Variants in SEMA6D observed in about 807,000 individuals in gnomAD.
The protein encoded by SEMA6D is semaphorin-6D.
Under a neutral mutation model 106.6 loss-of-function variants are expected in SEMA6D, and 35 were observed. That is an observed-to-expected ratio of 0.33 (90% CI 0.25 to 0.44). The LOEUF (loss-of-function observed/expected upper bound fraction) is 0.44, where lower values mean the gene tolerates loss of function less well. Among genes scored for constraint, SEMA6D ranks in the 20% least tolerant of loss-of-function variants. The pLI is 1.00. For synonymous variants in SEMA6D, 499 were observed against 487.7 expected, an observed-to-expected ratio of 1.02 and a Z score of -0.31; for missense variants, 1,185 against 1,345.9, an observed-to-expected ratio of 0.88 and a Z score of 1.87.
rs562979514 is a variant in SEMA6D, at chr15:47,765,933, G to A, written c.1492G>A (p.Ala498Thr). 2.5e-5 allele frequency: 39 copies of A among 1,578,306 alleles called. 1 individual carries two copies. The South Asian group carries it at 3.1e-4, about 13-fold the overall frequency. ...ISLQLDKDHHALYVAFSSCII... is the reference protein window; with the variant it reads ...ISLQLDKDHHTLYVAFSSCII... ...ATTACAGTTGGATAAAGATCACCAC[G>A]CTTTATATGTGGCGTTCTCTAGCTG... The change falls in exon 14 of 19, where the codon GCT becomes ACT. Residue 498 changes from alanine (A) to threonine (T), a missense_variant. By Grantham distance (58) the Ala-to-Thr change is moderately conservative (BLOSUM62 0). Around this residue, in one of 3 missense-constraint regions of SEMA6D, gnomAD observed 750 missense variants for 783.5 expected, o/e 0.96. Transcript: ENST00000536845.
chr15:47,380,428 T>C (rs2039597473), intron 1 of SEMA6D: 1 of 152,248 alleles, frequency 6.6e-6, no homozygotes, highest in Non-Finnish European at 1.5e-5. Flanking sequence ...GCTTTTATTT[T>C]TCCCCCAAAA....
intron 1 of SEMA6D, among the ~76,000 whole-genome samples, chr15:47,738,477 G>A (rs1178828778): frequency 2.6e-5 from 4 of 152,128 alleles, no homozygotes; most frequent in African/African-American, 9.7e-5. Context: ...AAAAAGACTG[G>A]GACAAGACAT....
intron 2 of SEMA6D, among the ~76,000 whole-genome samples, chr15:47,447,620 A>C (rs533961078): frequency 6.6e-6 from 1 of 152,226 alleles, no homozygotes; most frequent in South Asian, 2.1e-4. Context: ...CTGGCTGTTT[A>C]TTTGTATCCT....
At chr15:47,418,359 C>G (rs116591771) in intron 2 of SEMA6D, among the ~76,000 whole-genome samples, 2,407 of 152,222 alleles carry the variant, frequency 0.016, 39 homozygotes, top group South Asian at 0.054. Flanking sequence ...TGCTGCTATA[C>G]TGGGTGGCTT....
intron 1 of SEMA6D, among the ~76,000 whole-genome samples, chr15:47,251,343 T>A (rs1251613773): frequency 6.6e-6 from 1 of 152,192 alleles, no homozygotes; most frequent in Non-Finnish European, 1.5e-5. Flanking sequence ...GTTCTACTCA[T>A]GAATCTTGTT....
intron 3 of SEMA6D, among the ~76,000 whole-genome samples, chr15:47,517,912 A>G (rs999301200): frequency 1.3e-5 from 2 of 152,046 alleles, no homozygotes; most frequent in African/African-American, 4.8e-5. Context: ...TCTCCCCACA[A>G]TGAGTCATTT....
chr15:47,595,344 G>A (rs981536816), intron 3 of SEMA6D, among the ~76,000 whole-genome samples: 1 of 152,020 alleles, frequency 6.6e-6, no homozygotes, highest in African/African-American at 2.4e-5. Context: ...TATGGTTTTT[G>A]TCCTTCATTT....
At chr15:47,219,344 T>C (rs1427612253) in intron 1 of SEMA6D, among the ~76,000 whole-genome samples, 1 of 152,198 alleles carries the variant, frequency 6.6e-6, no homozygotes, top group Non-Finnish European at 1.5e-5. Context: ...AAAATTCTTT[T>C]AGGCGGTTAC....
chr15:47,276,454 T>C (rs907063326), intron 1 of SEMA6D, among the ~76,000 whole-genome samples: 2 of 152,286 alleles, frequency 1.3e-5, no homozygotes, highest in Admixed American at 1.3e-4. Flanking sequence ...TTGAAGCCAA[T>C]GCTCATTTGC....
rs941286224 is a variant in SEMA6D, at chr15:47,262,826, C to T, written c.-239+78408C>T. Reference sequence around the variant, plus strand: ...TACAGAGCTACAGTAATCAAAACAGCATGGTATGGGTACAAAAACAGACAC... The same window carrying T: ...TACAGAGCTACAGTAATCAAAACAGTATGGTATGGGTACAAAAACAGACAC... On this transcript the variant is annotated intron_variant, in intron 1 of 19. Transcript: ENST00000558014. 2.0e-5 allele frequency among the ~76,000 whole-genome samples: 3 copies of T among 152,178 alleles called. No individual in the cohort carries two copies. The South Asian group carries it at 6.2e-4, about 32-fold the overall frequency.
chr15:47,301,690 T>C (rs578206026), intron 1 of SEMA6D, among the ~76,000 whole-genome samples: 1 of 152,336 alleles, frequency 6.6e-6, no homozygotes, highest in South Asian at 2.1e-4. Context: ...TGCCACTCTC[T>C]GCCAGGTGAT....
chr15:47,255,000 A>G (rs763738836), intron 1 of SEMA6D, among the ~76,000 whole-genome samples: 2 of 151,558 alleles, frequency 1.3e-5, no homozygotes, highest in African/African-American at 2.4e-5. Context: ...TCTTTGGAAA[A>G]GCTTAAGAAG....
chr15:47,725,222 A>G (rs1236400835), intron 1 of SEMA6D, among the ~76,000 whole-genome samples: 1 of 152,198 alleles, frequency 6.6e-6, no homozygotes, highest in African/African-American at 2.4e-5. Context: ...TTGAGGCTAT[A>G]GTGCATGCTC....
intron 1 of SEMA6D, among the ~76,000 whole-genome samples, chr15:47,330,753 A>G (rs1378660604): frequency 1.3e-5 from 2 of 152,168 alleles, no homozygotes; most frequent in Non-Finnish European, 2.9e-5. Context: ...GGTAGCCATG[A>G]TTTTTTGGAA....
chr15:47,499,011 A>G (rs2043759562), intron 3 of SEMA6D, among the ~76,000 whole-genome samples: 1 of 152,148 alleles, frequency 6.6e-6, no homozygotes, highest in Non-Finnish European at 1.5e-5. Flanking sequence ...GCAATTAATA[A>G]CTGTATAAAG....
chr15:47,441,111 A>T (rs958345328), intron 2 of SEMA6D, among the ~76,000 whole-genome samples: 5 of 152,054 alleles, frequency 3.3e-5, no homozygotes, highest in African/African-American at 1.2e-4. Flanking sequence ...CTCACTTTGC[A>T]TACTATTTTG....
At chr15:47,229,041 G>T (rs2032004759) in intron 1 of SEMA6D, among the ~76,000 whole-genome samples, 1 of 151,938 alleles carries the variant, frequency 6.6e-6, no homozygotes, top group Non-Finnish European at 1.5e-5. Flanking sequence ...TTACACCTAG[G>T]AAACTGAAGC....
intron 1 of SEMA6D, among the ~76,000 whole-genome samples, chr15:47,278,557 G>A (rs1401601486): frequency 1.3e-5 from 2 of 152,110 alleles, no homozygotes; most frequent in Admixed American, 6.6e-5. Context: ...CTCCCATTTT[G>A]TAGGTTGCCT....
chr15:47,417,409 GTA>G (rs200716264), intron 2 of SEMA6D, among the ~76,000 whole-genome samples: 1,248 of 108,888 alleles, frequency 0.011, 19 homozygotes, highest in African/African-American at 0.042. Flanking sequence ...CTGTGTGTGT[GTA>G]TATGTGTGTG....
Sources: gnomAD v4.1 joint callset for allele counts (sites outside exome capture counted in the v4.1 genomes callset) on GRCh38, gnomAD v4.1.1 for gene constraint, gnomAD v4.1.1 regional missense constraint, MANE v1.5 for transcripts, NCBI Gene and HGNC (gene_info 2026-07-23, HGNC 2026-07-21) for gene names.